The following RALB variants were observed in gnomAD, a reference collection of about 807,000 sequenced individuals.
RALB encodes RAS like proto-oncogene B.
In RALB, 16 loss-of-function variants were observed where a neutral mutation model predicts 21.3. That is an observed-to-expected ratio of 0.75 (90% CI 0.51 to 1.14). RALB has a LOEUF of 1.14. Among genes scored for constraint, RALB ranks in the 50% most tolerant of loss-of-function variants. The pLI, the probability that RALB is intolerant of heterozygous loss-of-function variation, is 0.00. For synonymous variants in RALB, 93 were observed against 96.1 expected (o/e 0.97, Z 0.19); for missense variants, 161 against 256.2 (o/e 0.63, Z 2.54).
intron 1 of RALB, among the ~76,000 whole-genome samples, chr2:120,241,892 A>G (rs1019791796): frequency 4.6e-5 from 7 of 152,208 alleles, no homozygotes; most frequent in African/African-American, 1.4e-4. Flanking sequence ...GAATTAACAT[A>G]AGATCTGGCA....
intron 1 of RALB, among the ~76,000 whole-genome samples, chr2:120,275,140 A>G (rs1239130076): frequency 1.3e-5 from 2 of 152,100 alleles, no homozygotes; most frequent in East Asian, 3.9e-4. Context: ...CTTCCTTGTC[A>G]TTTTCCTCTG....
At chr2:120,276,757 G>C (rs1689806234) in intron 1 of RALB, among the ~76,000 whole-genome samples, 1 of 152,176 alleles carries the variant, frequency 6.6e-6, no homozygotes, top group Admixed American at 6.5e-5. Context: ...CTGGGTCTGT[G>C]CCTTGGTGTT....
At chr2:120,286,713 G>C (rs1690167524) in intron 3 of RALB, among the ~76,000 whole-genome samples, 1 of 152,216 alleles carries the variant, frequency 6.6e-6, no homozygotes, top group South Asian at 2.1e-4. Context: ...GGATGTATTA[G>C]ACTGTGAATT....
At chr2:120,282,745 T>C (rs1366612685) in intron 2 of RALB, among the ~76,000 whole-genome samples, 2 of 151,970 alleles carry the variant, frequency 1.3e-5, no homozygotes, top group East Asian at 3.9e-4. Context: ...AATTGTAAAA[T>C]AAAATTGGGG....
intron 1 of RALB, among the ~76,000 whole-genome samples, chr2:120,277,426 A>T (rs1689832315): frequency 6.7e-6 from 1 of 149,996 alleles, no homozygotes; most frequent in Non-Finnish European, 1.5e-5. Context: ...TGCATGTTAG[A>T]GCCTCTGAGC....
intron 1 of RALB, among the ~76,000 whole-genome samples, chr2:120,259,806 C>T (rs1013146740): frequency 7.2e-5 from 11 of 152,210 alleles, no homozygotes; most frequent in Admixed American, 1.3e-4. Context: ...CAGGGGGTGG[C>T]GCTCGTCGGG....
chr2:120,288,594 AAGT>A (rs1453038891), intron 3 of RALB, among the ~76,000 whole-genome samples: 1 of 152,148 alleles, frequency 6.6e-6, no homozygotes, highest in African/African-American at 2.4e-5. Flanking sequence ...TGGCATATAA[AAGT>A]AGAAATATTC....
At chr2:120,278,057 GCGTGTGTGAGTGTGAGCA>G (rs879932637) in intron 1 of RALB, among the ~76,000 whole-genome samples, 3 of 150,972 alleles carry the variant, frequency 2.0e-5, no homozygotes, top group Non-Finnish European at 3.0e-5. Context: ...GTGAATGTGA[GCGTGTGTGAGTGTGAGCA>G]TGTGTGTGAA....
chr2:120,276,977 A>T (rs1689813721), intron 1 of RALB, among the ~76,000 whole-genome samples: 1 of 152,222 alleles, frequency 6.6e-6, no homozygotes, highest in African/African-American at 2.4e-5. Flanking sequence ...ATTTTTCCAT[A>T]CAAATTGGTT....
At chr2:120,292,029 C>G (rs543372868) in intron 4 of RALB, among the ~76,000 whole-genome samples, 41 of 152,346 alleles carry the variant, frequency 2.7e-4, no homozygotes, top group African/African-American at 8.7e-4. Flanking sequence ...TCAAATGTCT[C>G]TTCGTAGGAT....
intron 3 of RALB, 67 bp downstream of exon 3, chr2:120,286,149 C>T (rs773654811): frequency 7.9e-6 from 11 of 1,384,302 alleles, no homozygotes; most frequent in Non-Finnish European, 1.0e-5. Context: ...TGTCTTAGGC[C>T]TATGAAGAAT....
chr2:120,292,650 T>C (rs1690332250), intron 4 of RALB, among the ~76,000 whole-genome samples: 1 of 152,242 alleles, frequency 6.6e-6, no homozygotes, highest in Non-Finnish European at 1.5e-5. Flanking sequence ...TGTAAGATTT[T>C]ATCATTTTGA....
chr2:120,263,739 A>G (rs1689428663), intron 1 of RALB, among the ~76,000 whole-genome samples: 1 of 152,156 alleles, frequency 6.6e-6, no homozygotes, highest in African/African-American at 2.4e-5. Flanking sequence ...CATGTTGCCC[A>G]GGATGGTCTC....
At chr2:120,249,857 T>G (rs1377443678), upstream of RALB, among the ~76,000 whole-genome samples, 1 of 152,184 alleles carries the variant, frequency 6.6e-6, no homozygotes, top group Non-Finnish European at 1.5e-5. Context: ...CTTCCAGCCC[T>G]GTGTGACTCA....
chr2:120,276,560 T>G (rs1180715825), intron 1 of RALB, among the ~76,000 whole-genome samples: 3 of 151,332 alleles, frequency 2.0e-5, no homozygotes, highest in Admixed American at 2.0e-4. Context: ...CCGAGATCGT[T>G]CCATTGCACT....
At chr2:120,249,409 A>G (rs1689019762), upstream of RALB, among the ~76,000 whole-genome samples, 1 of 152,138 alleles carries the variant, frequency 6.6e-6, no homozygotes, top group Non-Finnish European at 1.5e-5. Context: ...CTTAATTATT[A>G]ATTAGCTCAT....
intron 2 of RALB, among the ~76,000 whole-genome samples, chr2:120,279,026 AC>A (rs1689918551): frequency 6.6e-6 from 1 of 152,164 alleles, no homozygotes; most frequent in Non-Finnish European, 1.5e-5. Flanking sequence ...CCATTGTTAT[AC>A]TTCGAGCTTT....
chr2:120,247,606 A>C (rs551581868), intron 1 of RALB, among the ~76,000 whole-genome samples: 31 of 152,344 alleles, frequency 2.0e-4, no homozygotes, highest in African/African-American at 7.0e-4. Flanking sequence ...ATGACTTACC[A>C]CAGTTTAGTG....
Position 120,286,094 on chromosome 2 carries a change from A to G in RALB, c.323+12A>G, listed in dbSNP as rs1236215253. On this transcript the variant is annotated intron_variant, in intron 3 of 4. Transcript: ENST00000272519. ...ACTGCCGAATTCAGGTATGTCTGAA[A>G]TGAAATAGCAGAAGCCCCCAGGAAG... The G allele has an allele frequency of 6.2e-7, 1 of 1,612,148 alleles. No homozygotes were observed. The highest frequency in any genetic ancestry group is 8.5e-7 in the Non-Finnish European group (1 of 1,178,350).
Sources: allele counts gnomAD v4.1 joint callset (sites outside exome capture counted in the v4.1 genomes callset), GRCh38; gene constraint gnomAD v4.1.1; transcripts MANE v1.5; gene names NCBI Gene and HGNC (gene_info 2026-07-23, HGNC 2026-07-21).